The following SLC25A12 variants were observed in gnomAD, a reference collection of about 807,000 sequenced individuals.
SLC25A12 encodes the protein electrogenic aspartate/glutamate antiporter SLC25A12, mitochondrial.
In SLC25A12, 32 loss-of-function variants were observed where a neutral mutation model predicts 83.3. That is an observed-to-expected ratio of 0.38 (90% CI 0.29 to 0.52). The LOEUF (loss-of-function observed/expected upper bound fraction) is 0.52. SLC25A12 is among the 20% of genes least tolerant of loss of function. The pLI is 0.84. For missense variants in SLC25A12, 611 were observed against 835.6 expected, an observed-to-expected ratio of 0.73 and a Z score of 3.31; for synonymous variants, 267 against 291.1, an observed-to-expected ratio of 0.92 and a Z score of 0.84.
chr2:171,793,739 T>C lies in SLC25A12; in HGVS notation c.1334A>G (p.Asn445Ser). Residue 445 changes from asparagine (N) to serine (S), a missense_variant, in exon 14 of 18, where the codon AAC becomes AGC. Coordinates refer to ENST00000422440, the MANE Select transcript of SLC25A12 (RefSeq NM_003705.5). ...ACGAATCTTCACTATCTCCAATGGG[T>C]TGGTAAAAATGACCTGAGAGCCTCC... ...CAGGSQVIFT[N>S]PLEIVKIRLQ... The C allele has an allele frequency of 6.2e-7, 1 of 1,614,138 alleles. No individual in the cohort carries two copies. Among genetic ancestry groups the C allele is most frequent in the Non-Finnish European group, 8.5e-7 (1 of 1,180,024 alleles).
intron 9 of SLC25A12, among the ~76,000 whole-genome samples, chr2:171,819,392 T>G (rs370846566): frequency 1.8e-5 from 1 of 56,030 alleles, no homozygotes; most frequent in East Asian, 6.8e-4. Context: ...ATAATATATA[T>G]TATATAATTA....
intron 5 of SLC25A12, among the ~76,000 whole-genome samples, chr2:171,838,424 A>G (rs902944862): frequency 1.3e-5 from 2 of 152,194 alleles, no homozygotes; most frequent in Non-Finnish European, 2.9e-5. Context: ...ATTGGTCCCC[A>G]TGGCAAAGAT....
chr2:171,813,861 T>C (rs1483953746), intron 10 of SLC25A12, among the ~76,000 whole-genome samples: 3 of 152,232 alleles, frequency 2.0e-5, no homozygotes, highest in African/African-American at 7.2e-5. Context: ...TTCCATTAAA[T>C]GCTTAAATAT....
chr2:171,890,674 G>A (rs943181429), intron 2 of SLC25A12, among the ~76,000 whole-genome samples: 17 of 152,080 alleles, frequency 1.1e-4, no homozygotes, highest in African/African-American at 4.1e-4. Context: ...GCAGAGACGA[G>A]GTCTCACTAT....
chr2:171,794,569 T>C (rs1683557858), intron 13 of SLC25A12, among the ~76,000 whole-genome samples: 1 of 150,012 alleles, frequency 6.7e-6, no homozygotes, highest in Admixed American at 6.6e-5. Context: ...TATTTGCATC[T>C]GAAATCTGTT....
intron 17 of SLC25A12, among the ~76,000 whole-genome samples, chr2:171,786,050 G>A (rs1199925539): frequency 4.0e-5 from 6 of 151,850 alleles, no homozygotes; most frequent in African/African-American, 1.5e-4. Flanking sequence ...TTTTTATGTA[G>A]TAGACTCATA....
At chr2:171,824,004 T>A (rs1215882296) in intron 9 of SLC25A12, among the ~76,000 whole-genome samples, 1 of 151,672 alleles carries the variant, frequency 6.6e-6, no homozygotes, top group Non-Finnish European at 1.5e-5. Flanking sequence ...AATGTAAGAA[T>A]ACCTAAGACT....
rs1683457763 is a variant in SLC25A12, at chr2:171,791,557, G to A, written c.1479C>T (p.Pro493=). ...AAACAGGAAAATAGATTGCAGAGAA[G>A]GGAATGTCTCGGAGGAAACACGCTT... ...GAKACFLRDI[P]FSAIYFPVYA... is the part of the protein sequence containing the mutation. The change falls in exon 15 of 18, where the codon CCC becomes CCT. Residue 493 remains proline, a synonymous_variant. Transcript: ENST00000422440. 4 of 1,613,846 alleles carry A rather than the reference G, an allele frequency of 2.5e-6. No homozygotes were observed. Among genetic ancestry groups the A allele is most frequent in the Admixed American group, 1.7e-5 (1 of 60,024 alleles).
At chr2:171,866,197 T>C (rs1420272623) in intron 3 of SLC25A12, among the ~76,000 whole-genome samples, 1 of 142,074 alleles carries the variant, frequency 7.0e-6, no homozygotes, top group Non-Finnish European at 1.5e-5. Flanking sequence ...TTTTTCTTAG[T>C]ACAGAACAAA....
At chr2:171,823,082 G>C (rs957229421) in intron 9 of SLC25A12, among the ~76,000 whole-genome samples, 3 of 152,194 alleles carry the variant, frequency 2.0e-5, no homozygotes, top group African/African-American at 7.2e-5. Context: ...TAGGATTGTA[G>C]TCTATATGGC....
chr2:171,892,413 G>A (rs1685962217), intron 2 of SLC25A12, among the ~76,000 whole-genome samples: 1 of 152,026 alleles, frequency 6.6e-6, no homozygotes, highest in South Asian at 2.1e-4. Context: ...TTTTAGTAGA[G>A]ACGGGGTTTC....
At chr2:171,847,516 T>C (rs1210078527) in intron 4 of SLC25A12, among the ~76,000 whole-genome samples, 1 of 152,210 alleles carries the variant, frequency 6.6e-6, no homozygotes, top group Non-Finnish European at 1.5e-5. Flanking sequence ...TACATCTAAC[T>C]GAAACTGTAT....
At chr2:171,786,699 C>A (rs1690496209) in intron 17 of SLC25A12, among the ~76,000 whole-genome samples, 1 of 152,194 alleles carries the variant, frequency 6.6e-6, no homozygotes, top group South Asian at 2.1e-4. Flanking sequence ...AATTCTTCTT[C>A]TCAGTGCAAG....
rs992736565 is a variant in SLC25A12, at chr2:171,873,761, AAT to A, written c.67-4940_67-4939del. 8.5e-5 allele frequency among the ~76,000 whole-genome samples: 13 copies of A among 152,122 alleles called. No individual in the cohort carries two copies. The South Asian group carries it at 1.7e-3, about 19-fold the overall frequency. On this transcript the variant is annotated intron_variant, in intron 2 of 17. Transcript: ENST00000422440. Reference sequence around the variant, plus strand: ...TATAATGTTAATATATATACATCCAAATATATGTGTGTATATATGAAATTCTT... The same window carrying A: ...TATAATGTTAATATATATACATCCAAATATGTGTGTATATATGAAATTCTT...
intron 2 of SLC25A12, among the ~76,000 whole-genome samples, chr2:171,878,397 ACT>A (rs59602050): frequency 0.21 from 31,570 of 152,120 alleles, 4,016 homozygotes; most frequent in East Asian, 0.55. Flanking sequence ...TGAAATAGTT[ACT>A]GTAAAATGCT....
chr2:171,830,025 G>A (rs1449860248), intron 8 of SLC25A12, among the ~76,000 whole-genome samples: 1 of 152,226 alleles, frequency 6.6e-6, no homozygotes, highest in East Asian at 1.9e-4. Flanking sequence ...ACAGGGCAAG[G>A]AGGAAAATCT....
At chr2:171,831,800 G>A (rs1684437213) in intron 8 of SLC25A12, among the ~76,000 whole-genome samples, 2 of 152,038 alleles carry the variant, frequency 1.3e-5, no homozygotes, top group African/African-American at 4.8e-5. Context: ...TCGGGAGGCT[G>A]AGGCACAAGA....
At chr2:171,838,943 A>C (rs1414690568) in intron 5 of SLC25A12, among the ~76,000 whole-genome samples, 1 of 152,216 alleles carries the variant, frequency 6.6e-6, no homozygotes, top group Non-Finnish European at 1.5e-5. Context: ...TCCAAAATAA[A>C]AAAGATTTTA....
At chr2:171,792,714 CAA>C (rs1683505456) in intron 14 of SLC25A12, among the ~76,000 whole-genome samples, 1 of 151,308 alleles carries the variant, frequency 6.6e-6, no homozygotes, top group Non-Finnish European at 1.5e-5. Context: ...AAAGGGAATT[CAA>C]AAAGGATGGA....
Sources: allele counts gnomAD v4.1 joint callset (sites outside exome capture counted in the v4.1 genomes callset), GRCh38; gene constraint gnomAD v4.1.1; transcripts MANE v1.5; gene names NCBI Gene and HGNC (gene_info 2026-07-23, HGNC 2026-07-21).